ATF6: variants seen among roughly 807,000 people sequenced by gnomAD.
ATF6 encodes the protein cyclic AMP-dependent transcription factor ATF-6 alpha.
Under a neutral mutation model 83.6 loss-of-function variants are expected in ATF6, and 53 were observed. That is an observed-to-expected ratio of 0.63 (90% confidence interval 0.51 to 0.80). ATF6 has a LOEUF of 0.80. ATF6 is among the 30% of genes least tolerant of loss of function. The pLI, the probability that ATF6 is intolerant of heterozygous loss-of-function variation, is 0.00. For missense variants in ATF6, 744 were observed against 797.9 expected (o/e 0.93, Z 0.81); for synonymous variants, 288 against 285.8 (o/e 1.01, Z -0.08).
chr1:161,791,072 GTGTGTGTGTGTCTC>G (rs1193807154), intron 4 of ATF6, among the ~76,000 whole-genome samples: 203 of 86,236 alleles, frequency 2.4e-3, no homozygotes, highest in African/African-American at 0.013. Context: ...ATGTGTGTGT[GTGTGTGTGTGTCTC>G]TGTGTGTGTG....
At chr1:161,866,497 ACT>A (rs1687003183) in intron 14 of ATF6, among the ~76,000 whole-genome samples, 1 of 151,618 alleles carries the variant, frequency 6.6e-6, no homozygotes, top group African/African-American at 2.4e-5. Flanking sequence ...TGTTCTTTTG[ACT>A]CTCCTTAAAG....
chr1:161,881,435 T>C (rs1039308467), intron 14 of ATF6, among the ~76,000 whole-genome samples: 1 of 152,174 alleles, frequency 6.6e-6, no homozygotes, highest in African/African-American at 2.4e-5. Context: ...GGCCTCTTGA[T>C]ATGGCAGCTC....
chr1:161,935,836 T>C (rs527284759), intron 15 of ATF6, among the ~76,000 whole-genome samples: 1 of 152,344 alleles, frequency 6.6e-6, no homozygotes, highest in African/African-American at 2.4e-5. Context: ...AGAGTGGCAA[T>C]GCTCGAGCAT....
At chr1:161,812,393 T>C (rs1685495285) in intron 7 of ATF6, among the ~76,000 whole-genome samples, 1 of 111,168 alleles carries the variant, frequency 9.0e-6, no homozygotes. Context: ...TTTTTTTTTT[T>C]TTTTTTTTTT....
intron 14 of ATF6, among the ~76,000 whole-genome samples, chr1:161,890,568 TAGTC>T (rs969885399): frequency 2.2e-4 from 34 of 152,346 alleles, no homozygotes; most frequent in African/African-American, 7.7e-4. Context: ...CTGTCTTTCA[TAGTC>T]AGGCGACCCG....
At chr1:161,822,035 G>T (rs766777964) in intron 9 of ATF6, among the ~76,000 whole-genome samples, 1 of 152,208 alleles carries the variant, frequency 6.6e-6, no homozygotes, top group Non-Finnish European at 1.5e-5. Context: ...GGACCGAATG[G>T]TGGTGCTGTC....
intron 14 of ATF6, among the ~76,000 whole-genome samples, chr1:161,907,706 A>G (rs1157588364): frequency 6.6e-6 from 1 of 152,230 alleles, no homozygotes; most frequent in African/African-American, 2.4e-5. Flanking sequence ...ATACTGGCTA[A>G]AATAATTTTT....
intron 9 of ATF6, among the ~76,000 whole-genome samples, chr1:161,833,743 A>G (rs986292013): frequency 3.9e-5 from 6 of 152,222 alleles, no homozygotes; most frequent in Non-Finnish European, 7.3e-5. Flanking sequence ...CCTCCAAGAA[A>G]TATGGGACTA....
chr1:161,898,775 T>A (rs1360700759), intron 14 of ATF6, among the ~76,000 whole-genome samples: 1 of 152,210 alleles, frequency 6.6e-6, no homozygotes, highest in Non-Finnish European at 1.5e-5. Flanking sequence ...CTTGAACTCC[T>A]GACCTCAGGT....
intron 14 of ATF6, among the ~76,000 whole-genome samples, chr1:161,866,906 T>G (rs1377114922): frequency 6.6e-6 from 1 of 152,090 alleles, no homozygotes; most frequent in Non-Finnish European, 1.5e-5. Context: ...TGCCACCACA[T>G]CCAGCTAATT....
intron 7 of ATF6, among the ~76,000 whole-genome samples, chr1:161,809,717 T>C (rs926012998): frequency 3.9e-5 from 6 of 152,248 alleles, no homozygotes; most frequent in Non-Finnish European, 7.3e-5. Context: ...TTCCTGACTT[T>C]GTAATGATTG....
At chr1:161,938,440 A>T (rs1486558245) in intron 15 of ATF6, among the ~76,000 whole-genome samples, 3 of 152,242 alleles carry the variant, frequency 2.0e-5, no homozygotes, top group African/African-American at 7.2e-5. Flanking sequence ...ACAGTATCTG[A>T]GATAGCCCTT....
At chr1:161,857,679 G>T (rs952012928) in intron 12 of ATF6, among the ~76,000 whole-genome samples, 1 of 151,994 alleles carries the variant, frequency 6.6e-6, no homozygotes, top group Admixed American at 6.6e-5. Context: ...TTTTTAAAAA[G>T]AAACTATATT....
chr1:161,949,152 A>C (rs911510296), intron 15 of ATF6, among the ~76,000 whole-genome samples: 1 of 152,202 alleles, frequency 6.6e-6, no homozygotes, highest in African/African-American at 2.4e-5. Context: ...AGTTTAGCAG[A>C]GGAGATCACT....
intron 6 of ATF6, among the ~76,000 whole-genome samples, chr1:161,797,742 G>A (rs1685054355): frequency 6.6e-6 from 1 of 152,124 alleles, no homozygotes; most frequent in Non-Finnish European, 1.5e-5. Context: ...TGGCCATACT[G>A]CTCAAAGCAA....
chr1:161,856,768 T>C (rs1189848819), intron 12 of ATF6, among the ~76,000 whole-genome samples: 1 of 152,242 alleles, frequency 6.6e-6, no homozygotes, highest in Admixed American at 6.5e-5. Flanking sequence ...TGTTTTTCTT[T>C]CCTAGTCATT....
intron 15 of ATF6, among the ~76,000 whole-genome samples, chr1:161,947,936 T>G (rs1688785783): frequency 6.8e-6 from 1 of 147,974 alleles, no homozygotes; most frequent in Admixed American, 6.9e-5. Context: ...GTGATTCTCC[T>G]GTCTCAGCCT....
rs1461824447 is a variant in ATF6 at position 161,959,703 on chromosome 1, G to A, written c.*1049G>A. On this transcript the variant is annotated 3_prime_UTR_variant, in exon 16 of 16. Coordinates refer to ENST00000367942, the MANE Select transcript of ATF6 (RefSeq NM_007348.4). The stretch of plus-strand genomic sequence containing the variant: ...AAAAAAAAAAAAAAAAAGATGGAAA[G>A]TTCGATGTGACTGCAGTATGAGATT... 6.8e-6 allele frequency: 1 copy of A among 147,744 alleles called. No individual in the cohort carries two copies. The highest frequency in any genetic ancestry group is 1.5e-5 in the Non-Finnish European group (1 of 67,208). 9.2% of individuals were successfully genotyped at this position (147,744 alleles called of 1,614,324 possible).
chr1:161,860,730 A>G (rs1284153151), intron 13 of ATF6, among the ~76,000 whole-genome samples: 1 of 152,050 alleles, frequency 6.6e-6, no homozygotes, highest in Non-Finnish European at 1.5e-5. Context: ...AACTGGTCAA[A>G]TCATTTATTT....
Sources: gnomAD v4.1 joint callset for allele counts (sites outside exome capture counted in the v4.1 genomes callset) on GRCh38, gnomAD v4.1.1 for gene constraint, MANE v1.5 for transcripts, NCBI Gene and HGNC (gene_info 2026-07-23, HGNC 2026-07-21) for gene names.